The following GCH1 variants were observed in gnomAD, a reference collection of about 807,000 sequenced individuals.
GCH1 encodes the protein GTP cyclohydrolase 1, also known as GTP cyclohydrolase I.
GCH1 carries 5 observed loss-of-function variants against 25.9 expected under a neutral mutation model. The ratio of observed to expected loss-of-function variants is 0.19; its 90% CI spans 0.10 to 0.41. The LOEUF (loss-of-function observed/expected upper bound fraction) is 0.41, where lower values mean the gene tolerates loss of function less well. Ranked by LOEUF, GCH1 falls within the 10% of genes least tolerant of loss-of-function variation. The pLI is 1.00. For missense variants in GCH1, 261 were observed against 336.5 expected (o/e 0.78, Z 1.75); for synonymous variants, 159 against 129.6 (o/e 1.23, Z -1.54).
chr14:54,893,208 T>C (rs1027174219), intron 1 of GCH1, among the ~76,000 whole-genome samples: 6 of 152,254 alleles, frequency 3.9e-5, no homozygotes, highest in African/African-American at 1.4e-4. Flanking sequence ...ACACAAATTA[T>C]ATCCCAATCT....
At chr14:54,887,920 GT>G (rs1279082507) in intron 1 of GCH1, among the ~76,000 whole-genome samples, 3 of 152,112 alleles carry the variant, frequency 2.0e-5, no homozygotes, top group Non-Finnish European at 4.4e-5. Flanking sequence ...GTGAATATTA[GT>G]TTTTTCGGTA....
chr14:54,848,848 A>T (rs2039683638), intron 3 of GCH1, among the ~76,000 whole-genome samples: 1 of 152,224 alleles, frequency 6.6e-6, no homozygotes, highest in Non-Finnish European at 1.5e-5. Flanking sequence ...ATGGTTTTTA[A>T]GCTCCTAGAT....
chr14:54,883,248 T>G (rs946627703), intron 1 of GCH1, among the ~76,000 whole-genome samples: 2 of 151,606 alleles, frequency 1.3e-5, no homozygotes, highest in Admixed American at 6.6e-5. Flanking sequence ...GGCGCGTGCC[T>G]GTAATCCCAG....
intron 1 of GCH1, among the ~76,000 whole-genome samples, chr14:54,880,153 A>G (rs1203710656): frequency 2.0e-5 from 3 of 148,356 alleles, no homozygotes. Context: ...AAAAAAAAAG[A>G]AAGTTAGGGA....
intron 1 of GCH1, among the ~76,000 whole-genome samples, chr14:54,879,720 C>A (rs765109345): frequency 1.3e-5 from 2 of 151,974 alleles, no homozygotes; most frequent in Admixed American, 6.6e-5. Flanking sequence ...AGACATGAGG[C>A]CGGTCGCAGT....
chr14:54,881,128 AAAAAT>A (rs1300303925), intron 1 of GCH1, among the ~76,000 whole-genome samples: 1 of 151,940 alleles, frequency 6.6e-6, no homozygotes, highest in Non-Finnish European at 1.5e-5. Context: ...CCAGGCCAAT[AAAAAT>A]ATTTTTTTAA....
chr14:54,902,800 A>G lies in GCH1; in HGVS notation c.-137T>C. ...AAGGTACGCAACCTGCTTAGATCAC[A>G]CTCCGAGCCGGGAGCGGCCACAGGC... is the stretch of plus-strand genomic sequence containing the variant. On this transcript the variant is annotated 5_prime_UTR_variant, in exon 1 of 6. Transcript: ENST00000491895. The G allele has an allele frequency of 1.8e-6, 2 of 1,141,576 alleles. No individual in the cohort carries two copies. Among genetic ancestry groups the G allele is most frequent in the South Asian group, 6.6e-5 (2 of 30,352 alleles). The allele number at this position is 1,141,576 out of a possible 1,614,324, so 70.7% of individuals were successfully genotyped here.
chr14:54,851,172 T>C (rs1215504471), intron 3 of GCH1, among the ~76,000 whole-genome samples: 1 of 152,222 alleles, frequency 6.6e-6, no homozygotes, highest in Admixed American at 6.5e-5. Context: ...TAGCCATATG[T>C]AGAAAGCTGA....
Position 54,843,766 on chromosome 14 carries a change from T to C in GCH1, c.*251A>G. ...CCCCTCTGGTTATCTGGCAGTGGTT[T>C]TGTGCACGTACTTACACTATTAGCA... On this transcript the variant is annotated 3_prime_UTR_variant, in exon 6 of 6. Coordinates refer to ENST00000491895, the MANE Select transcript of GCH1 (RefSeq NM_000161.3). 6.2e-7 allele frequency: 1 copy of C among 1,614,098 alleles called. No individual in the cohort carries two copies. Among genetic ancestry groups the C allele is most frequent in the Non-Finnish European group, 8.5e-7 (1 of 1,179,980 alleles).
At chr14:54,849,039 A>G (rs549423603) in intron 3 of GCH1, among the ~76,000 whole-genome samples, 1 of 152,358 alleles carries the variant, frequency 6.6e-6, no homozygotes, top group South Asian at 2.1e-4. Flanking sequence ...ACATTGGACA[A>G]TAGTGGTAAC....
Position 54,847,115 on chromosome 14 carries a change from A to G in GCH1, c.525T>C (p.Tyr175=), listed in dbSNP as rs1193973965. The G allele has an allele frequency of 7.1e-6, 7 of 989,632 alleles. No homozygotes were observed. Among genetic ancestry groups the G allele is most frequent in the Non-Finnish European group, 9.5e-6 (6 of 633,314 alleles). The allele number at this position is 989,632 out of a possible 1,614,324, so 61.3% of individuals were successfully genotyped here. Residue 175 remains tyrosine (Y), a synonymous_variant, in exon 4 of 6, where the codon TAT becomes TAC. Coordinates refer to ENST00000491895, the MANE Select transcript of GCH1 (RefSeq NM_000161.3). ...LSKLARIVEI[Y]SRRLQVQERL... is the part of the protein sequence containing the mutation. The stretch of plus-strand genomic sequence containing the variant: ...AAAGCTTACCTTGTAGTCTTCTACT[A>G]TAGATTTCTACAATCCTAGAAAAGA...
intron 1 of GCH1, among the ~76,000 whole-genome samples, chr14:54,870,782 G>A (rs1216483965): frequency 1.3e-5 from 2 of 152,206 alleles, no homozygotes; most frequent in Non-Finnish European, 2.9e-5. Context: ...AAACTGCAAG[G>A]CGGCAGCGAG....
At chr14:54,888,029 T>A (rs1198731206) in intron 1 of GCH1, among the ~76,000 whole-genome samples, 1 of 152,204 alleles carries the variant, frequency 6.6e-6, no homozygotes, top group Non-Finnish European at 1.5e-5. Context: ...TGGTTATTAT[T>A]TTGGTAGAAG....
intron 2 of GCH1, among the ~76,000 whole-genome samples, chr14:54,861,794 T>A (rs2140067508): frequency 6.6e-6 from 1 of 151,616 alleles, no homozygotes; most frequent in Admixed American, 6.6e-5. Flanking sequence ...ACTGAGGAAG[T>A]AATAGCAGAA....
intron 1 of GCH1, chr14:54,885,059 C>T (rs1201371222): frequency 6.4e-6 from 2 of 310,498 alleles, no homozygotes; most frequent in Admixed American, 3.5e-5. Flanking sequence ...ATTGCAGACA[C>T]TGAACCACCA....
chr14:54,880,127 C>A (rs1595006593), intron 1 of GCH1, among the ~76,000 whole-genome samples: 2 of 145,924 alleles, frequency 1.4e-5, no homozygotes, highest in Admixed American at 1.4e-4. Context: ...GGCAACAGAG[C>A]AAGACTCCAT....
At position 54,843,854 on chromosome 14, in the gene GCH1, A is replaced by G; in HGVS notation, c.*163T>C. On this transcript the variant is annotated 3_prime_UTR_variant, in exon 6 of 6. Coordinates refer to ENST00000491895, the MANE Select transcript of GCH1 (RefSeq NM_000161.3). ...AAAGTAGAGGGCTCAACCCTTTATT[A>G]TATTTATTTGACTTCCTAGAAATAA... 2 of 1,611,604 alleles carry G rather than the reference A, an allele frequency of 1.2e-6. No individual in the cohort carries two copies. The highest frequency in any genetic ancestry group is 1.7e-5 in the Admixed American group (1 of 59,962).
At chr14:54,870,174 T>C (rs569991338) in intron 1 of GCH1, among the ~76,000 whole-genome samples, 1 of 152,080 alleles carries the variant, frequency 6.6e-6, no homozygotes, top group Non-Finnish European at 1.5e-5. Context: ...TTACATAAGA[T>C]AAGTGACACC....
At chr14:54,862,765 A>G (rs2039923609) in intron 2 of GCH1, among the ~76,000 whole-genome samples, 1 of 150,708 alleles carries the variant, frequency 6.6e-6, no homozygotes, top group African/African-American at 2.4e-5. Context: ...CTTACGAACT[A>G]CTTTTATCAG....
Sources: allele counts gnomAD v4.1 joint callset (sites outside exome capture counted in the v4.1 genomes callset), GRCh38; gene constraint gnomAD v4.1.1; transcripts MANE v1.5; gene names NCBI Gene and HGNC (gene_info 2026-07-23, HGNC 2026-07-21).